SIPA1L2: variants seen among roughly 807,000 people sequenced by gnomAD.
The protein encoded by SIPA1L2 is signal induced proliferation associated 1 like 2.
SIPA1L2 carries 56 observed loss-of-function variants against 163.9 expected under a neutral mutation model. The observed-to-expected ratio is 0.34, with a 90% CI of 0.28 to 0.43. The LOEUF is 0.43. Ranked by LOEUF, SIPA1L2 falls within the 20% of genes least tolerant of loss-of-function variation. The pLI, the probability that SIPA1L2 is intolerant of heterozygous loss-of-function variation, is 1.00. For synonymous variants in SIPA1L2, 877 were observed against 865.7 expected, an observed-to-expected ratio of 1.01 and a Z score of -0.23; for missense variants, 1,974 against 2,193.5, an observed-to-expected ratio of 0.90 and a Z score of 2.00.
At position 232,404,214 on chromosome 1, in the gene SIPA1L2, G is replaced by A. The variant is rs200688811; in HGVS notation, c.4763-36C>T. 1.3e-4 allele frequency: 213 copies of A among 1,600,444 alleles called. 1 individual carries two copies. In the East Asian group the frequency reaches 4.3e-3, roughly 33 times the overall value. On this transcript the variant is annotated intron_variant, in intron 19 of 22. Coordinates refer to ENST00000674635, the MANE Select transcript of SIPA1L2 (RefSeq NM_020808.5). ...ATTTAGAATTTTCCTATGAACAGGAGTATCTCTCTATACTTGAGAATCTCG... is the reference window on the plus strand; with the variant it reads ...ATTTAGAATTTTCCTATGAACAGGAATATCTCTCTATACTTGAGAATCTCG...
chr1:232,405,382 C>T (rs1660577514), intron 19 of SIPA1L2, among the ~76,000 whole-genome samples: 1 of 152,242 alleles, frequency 6.6e-6, no homozygotes, highest in Admixed American at 6.5e-5. Context: ...CTATACATTC[C>T]TGAGCATCAT....
At chr1:232,414,185 T>C (rs753954972) in intron 19 of SIPA1L2, among the ~76,000 whole-genome samples, 12 of 152,176 alleles carry the variant, frequency 7.9e-5, no homozygotes, top group Non-Finnish European at 1.5e-4. Context: ...GTTCCTTCCA[T>C]TTAGGGAGCA....
At chr1:232,443,514 G>C in intron 12 of SIPA1L2, 88 bp downstream of exon 12, 4 of 1,016,216 alleles carry the variant, frequency 3.9e-6, no homozygotes, top group Non-Finnish European at 5.6e-6. Flanking sequence ...ATGGCCCCAG[G>C]TACAGAAGGC....
At chr1:232,435,772 C>T (rs1048927079) in intron 15 of SIPA1L2, among the ~76,000 whole-genome samples, 1 of 152,208 alleles carries the variant, frequency 6.6e-6, no homozygotes, top group Non-Finnish European at 1.5e-5. Flanking sequence ...AAGAACTGAA[C>T]AGCAGGAGAA....
intron 15 of SIPA1L2, among the ~76,000 whole-genome samples, chr1:232,434,198 G>A (rs1378438875): frequency 6.6e-6 from 1 of 152,062 alleles, no homozygotes; most frequent in African/African-American, 2.4e-5. Flanking sequence ...TCTGATACAT[G>A]TATAAAGCAA....
At chr1:232,539,616 G>A (rs1176183059) in intron 2 of SIPA1L2, among the ~76,000 whole-genome samples, 2 of 152,112 alleles carry the variant, frequency 1.3e-5, no homozygotes, top group African/African-American at 4.8e-5. Flanking sequence ...AGGATCTCAC[G>A]CAGGTTGTAC....
chr1:232,404,243 G>A (rs1572847065), intron 19 of SIPA1L2, 65 bp from the exon 20 acceptor site: 1 of 1,504,796 alleles, frequency 6.6e-7, no homozygotes, highest in Admixed American at 1.7e-5. Context: ...AATCTCGGGG[G>A]CCCACAAAAT....
chr1:232,546,070 A>C (rs1473194869), intron 2 of SIPA1L2, among the ~76,000 whole-genome samples: 1 of 152,210 alleles, frequency 6.6e-6, no homozygotes, highest in African/African-American at 2.4e-5. Context: ...GCATCATTTT[A>C]ATCTTCTAGT....
Position 232,398,964 on chromosome 1 carries a change from A to G in SIPA1L2, c.*163T>C. On this transcript the variant is annotated 3_prime_UTR_variant, in exon 23 of 23. Transcript: ENST00000674635. ...GCTGCTCTCTGCCGTGGTTACCGAGAAAGAGTCGAGGCTCCCTATCCTGCT... is the reference window on the plus strand; with the variant it reads ...GCTGCTCTCTGCCGTGGTTACCGAGGAAGAGTCGAGGCTCCCTATCCTGCT... 1.1e-6 allele frequency: 1 copy of G among 908,730 alleles called. No homozygotes were observed. Among genetic ancestry groups the G allele is most frequent in the African/African-American group, 1.7e-5 (1 of 59,726 alleles). 56.3% of individuals were successfully genotyped at this position (908,730 alleles called of 1,614,324 possible).
chr1:232,582,395 G>C (rs1660427627), intron 1 of SIPA1L2, among the ~76,000 whole-genome samples: 1 of 152,100 alleles, frequency 6.6e-6, no homozygotes, highest in East Asian at 1.9e-4. Flanking sequence ...ACTTATTAAT[G>C]AGAACATGTA....
At chr1:232,473,415 T>G (rs1664891695) in intron 7 of SIPA1L2, among the ~76,000 whole-genome samples, 1 of 152,346 alleles carries the variant, frequency 6.6e-6, no homozygotes, top group South Asian at 2.1e-4. Context: ...TCCTACTTCC[T>G]GAGTGATTGC....
chr1:232,458,619 G>A (rs916577992), intron 10 of SIPA1L2, among the ~76,000 whole-genome samples: 1 of 152,050 alleles, frequency 6.6e-6, no homozygotes, highest in Non-Finnish European at 1.5e-5. Context: ...TATAGTAATC[G>A]GCTGCTAGGA....
chr1:232,580,411 G>A (rs1307387421), intron 1 of SIPA1L2, among the ~76,000 whole-genome samples: 1 of 152,146 alleles, frequency 6.6e-6, no homozygotes, highest in Non-Finnish European at 1.5e-5. Flanking sequence ...GTCTCATCCT[G>A]TGACTAAGAA....
intron 1 of SIPA1L2, among the ~76,000 whole-genome samples, chr1:232,583,546 GCT>G (rs780884762): frequency 4.6e-5 from 7 of 152,120 alleles, no homozygotes. Flanking sequence ...GCTGAATAAA[GCT>G]CTAACTTAAT....
chr1:232,472,341 ACTT>A (rs1165367226), intron 7 of SIPA1L2, among the ~76,000 whole-genome samples: 2 of 152,142 alleles, frequency 1.3e-5, no homozygotes, highest in East Asian at 1.9e-4. Context: ...TGGTTGGTTT[ACTT>A]CTTCTGCATC....
chr1:232,409,050 T>A (rs893198613), intron 19 of SIPA1L2, among the ~76,000 whole-genome samples: 10 of 152,168 alleles, frequency 6.6e-5, no homozygotes, highest in Middle Eastern at 3.2e-3. Flanking sequence ...CAGATTTCTG[T>A]CTGAGCTCTT....
intron 8 of SIPA1L2, among the ~76,000 whole-genome samples, chr1:232,467,025 T>A (rs1558200232): frequency 1.3e-5 from 2 of 152,138 alleles, no homozygotes; most frequent in Non-Finnish European, 2.9e-5. Flanking sequence ...AAAGGTAAAT[T>A]AAGGAATAAA....
chr1:232,522,320 T>C (rs767928228), intron 2 of SIPA1L2, among the ~76,000 whole-genome samples: 2 of 152,182 alleles, frequency 1.3e-5, no homozygotes, highest in Non-Finnish European at 2.9e-5. Flanking sequence ...CTCCCATGTG[T>C]TGACCTTCAT....
intron 2 of SIPA1L2, among the ~76,000 whole-genome samples, chr1:232,519,618 A>C (rs1275132050): frequency 6.6e-6 from 1 of 152,206 alleles, no homozygotes. Flanking sequence ...TCATTTTGTC[A>C]TTCTAACAGA....
Sources: allele counts gnomAD v4.1 joint callset (sites outside exome capture counted in the v4.1 genomes callset), GRCh38; gene constraint gnomAD v4.1.1; transcripts MANE v1.5; gene names NCBI Gene and HGNC (gene_info 2026-07-23, HGNC 2026-07-21).